Variants in R3HDML observed in about 807,000 individuals in gnomAD.
R3HDML encodes the protein R3H domain containing like.
Under a neutral mutation model 24.2 loss-of-function variants are expected in R3HDML, and 21 were observed. The observed-to-expected ratio is 0.87, with a 90% CI of 0.62 to 1.25. The LOEUF is 1.25. Ranked by LOEUF, R3HDML falls within the 50% of genes most tolerant of loss-of-function variation. The pLI, the probability that R3HDML is intolerant of heterozygous loss-of-function variation, is 0.00. For synonymous variants in R3HDML, 133 were observed against 131.5 expected (o/e 1.01, Z -0.08); for missense variants, 301 against 340.3 (o/e 0.88, Z 0.91).
At chr20:44,346,873 G>T (rs1254533778) in intron 4 of R3HDML, among the ~76,000 whole-genome samples, 3 of 152,236 alleles carry the variant, frequency 2.0e-5, no homozygotes, top group East Asian at 3.8e-4. Context: ...CAGGAGCAGT[G>T]TCTTACACCT....
intron 4 of R3HDML, among the ~76,000 whole-genome samples, chr20:44,348,532 C>T (rs1219923883): frequency 1.8e-5 from 2 of 108,752 alleles, no homozygotes; most frequent in Non-Finnish European, 4.3e-5. Context: ...TTCTTCTGTC[C>T]AGCTCTGTCA....
At chr20:44,344,208 G>A (rs1303132522) in intron 3 of R3HDML, among the ~76,000 whole-genome samples, 3 of 151,920 alleles carry the variant, frequency 2.0e-5, no homozygotes, top group Non-Finnish European at 4.4e-5. Flanking sequence ...TTGAACCCAG[G>A]AGGCAGATGT....
At position 44,337,670 on chromosome 20, in the gene R3HDML, AC is replaced by A. The variant is rs2062761495; in HGVS notation, c.261+253del. ...ATGTGACTACTATGTAAGGAGCACCACTGTGCGCCAGGCACTGCACGTGAGT... is the reference window on the plus strand; with the variant it reads ...ATGTGACTACTATGTAAGGAGCACCATGTGCGCCAGGCACTGCACGTGAGT... On this transcript the variant is annotated intron_variant, in intron 1 of 4. Coordinates refer to ENST00000217043, the MANE Select transcript of R3HDML (RefSeq NM_178491.4). This position sits in a 1 kb window ranked among gnomAD's most constrained non-coding sequence, Gnocchi z 4.7. 6.6e-6 allele frequency among the ~76,000 whole-genome samples: 1 copy of A among 152,202 alleles called. No homozygotes were observed. The highest frequency in any genetic ancestry group is 2.4e-5 in the African/African-American group (1 of 41,458).
intron 4 of R3HDML, chr20:44,347,916 A>G (rs1238802936): frequency 6.6e-6 from 1 of 152,104 alleles, no homozygotes; most frequent in Non-Finnish European, 1.5e-5. Context: ...AGAGACAGAA[A>G]AATACAAGAA....
intron 2 of R3HDML, among the ~76,000 whole-genome samples, chr20:44,342,039 C>T (rs1244103182): frequency 1.3e-5 from 2 of 152,156 alleles, no homozygotes; most frequent in Non-Finnish European, 2.9e-5. Context: ...TCTGGGTAGC[C>T]TTGGGAAGTT....
At chr20:44,339,639 G>A (rs1289364951) in intron 1 of R3HDML, among the ~76,000 whole-genome samples, 4 of 151,286 alleles carry the variant, frequency 2.6e-5, no homozygotes, top group Non-Finnish European at 1.5e-5. Flanking sequence ...AGAGCTGCTT[G>A]TACAGGTATA....
At position 44,349,556 on chromosome 20, in the gene R3HDML, AAGTG is replaced by A. The variant is rs561640254; in HGVS notation, c.630-1100_630-1097del. On this transcript the variant is annotated intron_variant, in intron 4 of 4. Transcript: ENST00000217043. ...TGAATGAGTCCTGTTAGGAAACCAGAAGTGAGTATTTTTCTGAGCACTTCAGCTG... is the reference window on the plus strand; with the variant it reads ...TGAATGAGTCCTGTTAGGAAACCAGAAGTATTTTTCTGAGCACTTCAGCTG... Among the ~76,000 whole-genome samples the A allele has an allele frequency of 7.3e-3, 1,114 of 152,300 alleles. 6 individuals are homozygous for A. The highest frequency in any genetic ancestry group is 0.026 in the South Asian group (126 of 4,828).
chr20:44,350,360 TA>T (rs1302192617), intron 4 of R3HDML, among the ~76,000 whole-genome samples: 4 of 151,574 alleles, frequency 2.6e-5, no homozygotes, highest in Non-Finnish European at 4.4e-5. Flanking sequence ...TGCAAATAAA[TA>T]AAAAATTAGC....
At position 44,350,994 on chromosome 20, in the gene R3HDML, G is replaced by C; in HGVS notation, c.*202G>C. 1.8e-6 allele frequency: 1 copy of C among 544,056 alleles called. No homozygotes were observed. Among genetic ancestry groups the C allele is most frequent in the Non-Finnish European group, 3.1e-6 (1 of 317,610 alleles). 33.7% of individuals were successfully genotyped at this position (544,056 alleles called of 1,614,324 possible). A position where few individuals can be genotyped will look rare whatever the true frequency, so the allele number is the denominator to read the frequency against. ...ACCTCCTTGCCTTCCTTCTTTCCTA[G>C]TTGCATCTTTCTTTTCTTGGGCCTC... is the stretch of plus-strand genomic sequence containing the variant. On this transcript the variant is annotated 3_prime_UTR_variant, in exon 5 of 5. Coordinates refer to ENST00000217043, the MANE Select transcript of R3HDML (RefSeq NM_178491.4).
chr20:44,341,161 T>A, intron 1 of R3HDML, 35 bp from the exon 2 acceptor site: 1 of 1,553,590 alleles, frequency 6.4e-7, no homozygotes. Flanking sequence ...TGGTGGCAAT[T>A]CCCCTGGGGA....
intron 4 of R3HDML, among the ~76,000 whole-genome samples, chr20:44,348,073 AGTTT>A (rs748257353): frequency 1.4e-5 from 2 of 145,108 alleles, no homozygotes; most frequent in South Asian, 2.1e-4. Flanking sequence ...CAAGTTTTCT[AGTTT>A]GTTTGTTGAC....
chr20:44,343,589 A>G (rs1793580646), intron 3 of R3HDML, 80 bp downstream of exon 3: 1 of 1,400,658 alleles, frequency 7.1e-7, no homozygotes, highest in Non-Finnish European at 9.5e-7. Context: ...TGGAGCAGAA[A>G]TAAGAATGCA....
chr20:44,337,475 C>A lies in R3HDML; in HGVS notation c.261+57C>A. On this transcript the variant is annotated intron_variant, in intron 1 of 4. Transcript: ENST00000217043. This position sits in a 1 kb window ranked among gnomAD's most constrained non-coding sequence, Gnocchi z 4.7. ...CAGTGTCCCTTCCGGCAAACGCAGC[C>A]GGACTCATCTTGGCCTAGAATGACT... 1 of 1,560,882 alleles carries A rather than the reference C, an allele frequency of 6.4e-7. No individual in the cohort carries two copies. The highest frequency in any genetic ancestry group is 8.7e-7 in the Non-Finnish European group (1 of 1,143,390).
rs539665398 is a variant in R3HDML, at chr20:44,337,318, G to A, written c.161G>A (p.Arg54Gln). The A allele has an allele frequency of 1.7e-5, 28 of 1,614,048 alleles. No homozygotes were observed. Among genetic ancestry groups the A allele is most frequent in the East Asian group, 4.5e-5 (2 of 44,900 alleles). ...LSGLEVPRYR[R>Q]KRHISVRDMN... The stretch of plus-strand genomic sequence containing the variant: ...GGCCTGGAGGTGCCCAGGTACCGCC[G>A]GAAGCGCCACATCTCTGTGAGAGAC... The change falls in exon 1 of 5, where the codon CGG becomes CAG. Residue 54 changes from arginine (R) to glutamine (Q), a missense_variant. By Grantham distance (43) the Arg-to-Gln change is conservative (BLOSUM62 1). Coordinates refer to ENST00000217043, the MANE Select transcript of R3HDML (RefSeq NM_178491.4). The surrounding 1 kb of genome is among the most constrained non-coding windows in gnomAD (Gnocchi z 4.7).
At chr20:44,347,088 G>A (rs913549291) in intron 4 of R3HDML, among the ~76,000 whole-genome samples, 1 of 152,188 alleles carries the variant, frequency 6.6e-6, no homozygotes, top group Non-Finnish European at 1.5e-5. Context: ...GTTGCAGCGA[G>A]CTGAGATCAC....
Position 44,351,102 on chromosome 20 carries a change from G to A in R3HDML, c.*310G>A, listed in dbSNP as rs750200400. Reference sequence around the variant, plus strand: ...GCATAGAACTGGCACCTTGGGACCAGGCATAATGGCTCACACCTATAATCC... The same window carrying A: ...GCATAGAACTGGCACCTTGGGACCAAGCATAATGGCTCACACCTATAATCC... On this transcript the variant is annotated 3_prime_UTR_variant, in exon 5 of 5. Transcript: ENST00000217043. 23 of 282,164 alleles carry A rather than the reference G, an allele frequency of 8.2e-5. 1 individual carries two copies. Among genetic ancestry groups the A allele is most frequent in the Non-Finnish European group, 7.2e-5 (11 of 151,882 alleles). The allele number at this position is 282,164 out of a possible 1,614,324, so 17.5% of individuals were successfully genotyped here. A position where few individuals can be genotyped will look rare whatever the true frequency, so the allele number is the denominator to read the frequency against.
intron 4 of R3HDML, among the ~76,000 whole-genome samples, chr20:44,348,203 T>C (rs1282034504): frequency 6.6e-6 from 1 of 152,136 alleles, no homozygotes; most frequent in African/African-American, 2.4e-5. Flanking sequence ...TCTACTCCTG[T>C]TTCTTCATCT....
At chr20:44,345,740 T>C (rs1017903973) in intron 4 of R3HDML, among the ~76,000 whole-genome samples, 2 of 152,054 alleles carry the variant, frequency 1.3e-5, no homozygotes, top group Non-Finnish European at 2.9e-5. Context: ...AGGTTGAGGC[T>C]GCAGTGAGCC....
Position 44,341,069 on chromosome 20 carries a change from C to A in R3HDML, c.262-127C>A. ...TGAGCCTCAGTCTTCTACTTTGTCA[C>A]GTGGGTTTGTTGCAGGGTTCCAGGG... On this transcript the variant is annotated intron_variant, in intron 1 of 4. Transcript: ENST00000217043. 5 of 718,734 alleles carry A rather than the reference C, an allele frequency of 7.0e-6. No individual in the cohort carries two copies. The South Asian group carries it at 7.0e-5, about 10-fold the overall frequency. The allele number at this position is 718,734 out of a possible 1,614,324, so 44.5% of individuals were successfully genotyped here. A position where few individuals can be genotyped will look rare whatever the true frequency, so the allele number is the denominator to read the frequency against.
Sources: gnomAD v4.1 joint callset for allele counts (sites outside exome capture counted in the v4.1 genomes callset) on GRCh38, gnomAD v4.1.1 for gene constraint, Gnocchi (gnomAD v3.1) non-coding constraint, MANE v1.5 for transcripts, NCBI Gene and HGNC (gene_info 2026-07-23, HGNC 2026-07-21) for gene names.